The following LGSN variants were observed in gnomAD, a reference collection of about 807,000 sequenced individuals.
The protein encoded by LGSN is lengsin, lens protein with glutamine synthetase domain.
Under a neutral mutation model 19.5 loss-of-function variants are expected in LGSN, and 21 were observed. That is an observed-to-expected ratio of 1.07 (90% confidence interval 0.76 to 1.55). The LOEUF (loss-of-function observed/expected upper bound fraction) is 1.55. Among genes scored for constraint, LGSN ranks in the 40% most tolerant of loss-of-function variants. LGSN has a pLI of 0.00. For missense variants in LGSN, 673 were observed against 608.5 expected (o/e 1.11, Z -1.12); for synonymous variants, 257 against 215.6 (o/e 1.19, Z -1.68).
chr6:63,536,313 A>G, the LGSN span, among the ~76,000 whole-genome samples: 1 of 152,174 alleles, frequency 6.6e-6, no homozygotes. Flanking sequence ...CTGAGCAACA[A>G]GAGCTAGATT....
intron 1 of LGSN, among the ~76,000 whole-genome samples, chr6:63,306,636 C>T (rs975233660): frequency 2.0e-5 from 3 of 152,084 alleles, no homozygotes; most frequent in Admixed American, 6.5e-5. Context: ...CAGTTAAGGG[C>T]CTCCATGTTG....
the LGSN span, among the ~76,000 whole-genome samples, chr6:63,466,706 C>T: frequency 6.6e-6 from 1 of 152,010 alleles, no homozygotes; most frequent in Non-Finnish European, 1.5e-5. Flanking sequence ...AAGTTTTGGA[C>T]CCAAGCAACT....
chr6:63,462,413 A>G, the LGSN span, among the ~76,000 whole-genome samples: 1 of 152,148 alleles, frequency 6.6e-6, no homozygotes, highest in Non-Finnish European at 1.5e-5. Context: ...CAGGTGGATC[A>G]CCTGAAGTCA....
chr6:63,341,668 G>A, the LGSN span, among the ~76,000 whole-genome samples: 54 of 152,246 alleles, frequency 3.5e-4, no homozygotes, highest in African/African-American at 1.2e-3. Context: ...GGGTCCAGCT[G>A]GCATTGTGAC....
the LGSN span, among the ~76,000 whole-genome samples, chr6:63,391,351 T>C: frequency 3.4e-3 from 514 of 152,340 alleles, 1 homozygote; most frequent in Middle Eastern, 0.01. Flanking sequence ...GCTGGAACTG[T>C]AGCTCATTCA....
the LGSN span, among the ~76,000 whole-genome samples, chr6:63,411,916 G>A: frequency 9.9e-5 from 15 of 152,132 alleles, no homozygotes; most frequent in South Asian, 1.9e-3. Context: ...TGAACATTTC[G>A]CAATTAAAAA....
the LGSN span, among the ~76,000 whole-genome samples, chr6:63,487,397 C>G: frequency 2.6e-5 from 4 of 152,190 alleles, no homozygotes; most frequent in Admixed American, 2.0e-4. Context: ...GTAAGTCAAT[C>G]GGCTCCCTGC....
At chr6:63,438,468 T>A in the LGSN span, among the ~76,000 whole-genome samples, 2 of 152,126 alleles carry the variant, frequency 1.3e-5, no homozygotes, top group African/African-American at 4.8e-5. Context: ...GACTAAGGGC[T>A]AATATCCAGA....
upstream of LGSN, among the ~76,000 whole-genome samples, chr6:63,321,002 C>A (rs1769062748): frequency 6.6e-6 from 1 of 152,160 alleles, no homozygotes; most frequent in African/African-American, 2.4e-5. Context: ...GATCTACAAC[C>A]AGATCTTGAA....
the LGSN span, among the ~76,000 whole-genome samples, chr6:63,401,617 G>T: frequency 6.6e-6 from 1 of 152,170 alleles, no homozygotes; most frequent in South Asian, 2.1e-4. Flanking sequence ...TTCATGAGTT[G>T]CCCAGCTGTA....
chr6:63,405,656 G>A, the LGSN span, among the ~76,000 whole-genome samples: 13,114 of 152,106 alleles, frequency 0.086, 1,052 homozygotes, highest in African/African-American at 0.22. Flanking sequence ...ATAATGACAG[G>A]ATCAAATTCA....
chr6:63,493,447 T>C, the LGSN span, among the ~76,000 whole-genome samples: 1 of 151,870 alleles, frequency 6.6e-6, no homozygotes. Context: ...AGATTTCAAC[T>C]CCAACAGTTT....
At chr6:63,557,391 C>A in the LGSN span, among the ~76,000 whole-genome samples, 2 of 152,018 alleles carry the variant, frequency 1.3e-5, no homozygotes, top group Non-Finnish European at 2.9e-5. Context: ...CATGGTGAAA[C>A]CCTGTCTCTA....
In LGSN at chr6:63,293,462, A is replaced by G. The variant is rs779886615; in HGVS notation, c.163+1451T>C. Reference sequence around the variant, plus strand: ...AGACATCTTCCATTGCAACCCCTCTATTTTCCAGATGAACAGCCTAAAGGG... The same window carrying G: ...AGACATCTTCCATTGCAACCCCTCTGTTTTCCAGATGAACAGCCTAAAGGG... On this transcript the variant is annotated intron_variant, in intron 2 of 3. Coordinates refer to ENST00000370657, the MANE Select transcript of LGSN (RefSeq NM_016571.3). 2.6e-5 allele frequency among the ~76,000 whole-genome samples: 4 copies of G among 152,140 alleles called. No homozygotes were observed. The East Asian group carries it at 5.8e-4, about 22-fold the overall frequency.
chr6:63,432,182 A>AAG, the LGSN span, among the ~76,000 whole-genome samples: 14 of 27,230 alleles, frequency 5.1e-4, no homozygotes, highest in South Asian at 1.2e-3. Context: ...AAGGAAAGAA[A>AAG]GAAAAGAAAA....
chr6:63,456,724 T>G, the LGSN span, among the ~76,000 whole-genome samples: 2 of 152,142 alleles, frequency 1.3e-5, no homozygotes, highest in African/African-American at 2.4e-5. Context: ...CCTAACAGAC[T>G]GAAAATTCTG....
At chr6:63,293,133 A>C (rs1191665816) in intron 2 of LGSN, among the ~76,000 whole-genome samples, 1 of 152,068 alleles carries the variant, frequency 6.6e-6, no homozygotes, top group Admixed American at 6.6e-5. Flanking sequence ...CTGAGTAGCT[A>C]GGACCACAGG....
chr6:63,475,146 A>G, the LGSN span, among the ~76,000 whole-genome samples: 4 of 152,146 alleles, frequency 2.6e-5, no homozygotes, highest in Non-Finnish European at 4.4e-5. Context: ...TTGTTTTAGG[A>G]TGCAGAAATG....
At chr6:63,484,241 G>A in the LGSN span, among the ~76,000 whole-genome samples, 3 of 152,122 alleles carry the variant, frequency 2.0e-5, no homozygotes, top group Non-Finnish European at 2.9e-5. Context: ...AATGGCTCAC[G>A]CCTGTAATCC....
Sources: allele counts gnomAD v4.1 joint callset (sites outside exome capture counted in the v4.1 genomes callset), GRCh38; gene constraint gnomAD v4.1.1; transcripts MANE v1.5; gene names NCBI Gene and HGNC (gene_info 2026-07-23, HGNC 2026-07-21).